Variants in DPP6 observed in about 807,000 individuals in gnomAD.
DPP6 encodes the protein A-type potassium channel modulatory protein DPP6.
A neutral mutation model predicts 122.6 loss-of-function variants in DPP6; 69 were observed. The ratio of observed to expected loss-of-function variants is 0.56; its 90% CI spans 0.46 to 0.69. The LOEUF (loss-of-function observed/expected upper bound fraction) is 0.69, where lower values mean the gene tolerates loss of function less well. Among genes scored for constraint, DPP6 ranks in the 30% least tolerant of loss-of-function variants. The pLI, the probability that DPP6 is intolerant of heterozygous loss-of-function variation, is 0.00. For missense variants in DPP6, 928 were observed against 1,116.9 expected (o/e 0.83, Z 2.41); for synonymous variants, 418 against 433.1 (o/e 0.97, Z 0.43).
chr7:154,697,099 G>A (rs1189088077), intron 7 of DPP6, among the ~76,000 whole-genome samples: 3 of 152,204 alleles, frequency 2.0e-5, no homozygotes, highest in African/African-American at 7.2e-5. Context: ...GAACATAGAT[G>A]GAGAACCAAG....
intron 1 of DPP6, among the ~76,000 whole-genome samples, chr7:153,995,901 C>G (rs1340217461): frequency 6.6e-6 from 1 of 152,178 alleles, no homozygotes; most frequent in Non-Finnish European, 1.5e-5. Context: ...ATTGCTGCTT[C>G]CAAACATCTA....
intron 1 of DPP6, among the ~76,000 whole-genome samples, chr7:153,920,202 T>C (rs1488120836): frequency 1.5e-5 from 1 of 68,776 alleles, no homozygotes; most frequent in East Asian, 1.1e-3. Flanking sequence ...TCCCTGAAAG[T>C]CGAGGGGGTG....
intron 1 of DPP6, among the ~76,000 whole-genome samples, chr7:154,192,247 TACA>T (rs1190176176): frequency 2.6e-5 from 4 of 152,264 alleles, no homozygotes; most frequent in African/African-American, 7.2e-5. Flanking sequence ...TTCCCAATTG[TACA>T]ACGTCTTGAT....
chr7:154,063,597 G>A (rs1345004867), intron 1 of DPP6, among the ~76,000 whole-genome samples: 4 of 70,328 alleles, frequency 5.7e-5, no homozygotes, highest in African/African-American at 1.9e-4. Context: ...TACCCCCATC[G>A]CAGTGAGGGA....
intron 1 of DPP6, among the ~76,000 whole-genome samples, chr7:154,105,868 T>C (rs1270920848): frequency 6.6e-6 from 1 of 151,636 alleles, no homozygotes; most frequent in Non-Finnish European, 1.5e-5. Flanking sequence ...TGGGTATGTC[T>C]TTATTAGCAG....
chr7:154,190,055 T>C (rs1184555206), intron 1 of DPP6, among the ~76,000 whole-genome samples: 1 of 152,208 alleles, frequency 6.6e-6, no homozygotes, highest in Non-Finnish European at 1.5e-5. Context: ...TGGAAGTTAA[T>C]AAATATTTTA....
intron 1 of DPP6, among the ~76,000 whole-genome samples, chr7:154,078,944 T>TC (rs1231675955): frequency 1.1e-5 from 1 of 93,008 alleles, no homozygotes; most frequent in Non-Finnish European, 2.1e-5. Context: ...TACATTCTTT[T>TC]CCAAAAAAAA....
chr7:154,588,367 T>C (rs1039108252), intron 5 of DPP6: 4 of 443,010 alleles, frequency 9.0e-6, no homozygotes, highest in Non-Finnish European at 1.6e-5. Flanking sequence ...CAATGTGATG[T>C]TGGCCGACTG....
chr7:154,141,734 G>T (rs1795857354), intron 1 of DPP6, among the ~76,000 whole-genome samples: 1 of 152,196 alleles, frequency 6.6e-6, no homozygotes, highest in Admixed American at 6.5e-5. Flanking sequence ...ATGCATTTCT[G>T]TTGGAGCTCA....
At chr7:154,384,613 A>G (rs114995237) in intron 1 of DPP6, among the ~76,000 whole-genome samples, 1,910 of 152,338 alleles carry the variant, frequency 0.013, 39 homozygotes, top group African/African-American at 0.042. Flanking sequence ...AGTGAAAAAC[A>G]CAGTGAGAAC....
At chr7:154,245,525 A>G (rs1801921022) in intron 1 of DPP6, among the ~76,000 whole-genome samples, 1 of 150,790 alleles carries the variant, frequency 6.6e-6, no homozygotes. Flanking sequence ...AATCCCAGCT[A>G]CTTGGGAGGC....
rs957606590 is a variant in DPP6, at chr7:154,735,972, C to T, written c.883+8085C>T. The stretch of plus-strand genomic sequence containing the variant: ...CCAGACCCTCCCCTGCCATCGTCTG[C>T]TCTCAACGTAGCAATCATGGCATCA... On this transcript the variant is annotated intron_variant, in intron 8 of 25. Transcript: ENST00000377770. Among the ~76,000 whole-genome samples, 8 of 152,238 alleles carry T rather than the reference C, an allele frequency of 5.3e-5. No individual in the cohort carries two copies. The East Asian group carries it at 1.3e-3, about 26-fold the overall frequency.
intron 21 of DPP6, 97 bp from the exon 22 acceptor site, chr7:154,885,536 G>A: frequency 1.4e-6 from 2 of 1,462,488 alleles, no homozygotes; most frequent in Non-Finnish European, 1.8e-6. Flanking sequence ...GAACCTGCAT[G>A]GAACTGGCTG....
the DPP6 span, among the ~76,000 whole-genome samples, chr7:153,862,167 GT>G: frequency 6.6e-6 from 1 of 152,152 alleles, no homozygotes; most frequent in African/African-American, 2.4e-5. Context: ...AGGCACAAAA[GT>G]TATTTTAAAA....
intron 1 of DPP6, among the ~76,000 whole-genome samples, chr7:154,060,304 T>C (rs1283973303): frequency 7.1e-5 from 7 of 98,160 alleles, no homozygotes; most frequent in Non-Finnish European, 1.1e-4. Context: ...CTTCCCCCCC[T>C]GGCTCTTAGG....
chr7:154,271,624 C>T (rs1438517861), intron 1 of DPP6, among the ~76,000 whole-genome samples: 3 of 152,076 alleles, frequency 2.0e-5, no homozygotes, highest in Non-Finnish European at 4.4e-5. Context: ...TCAGTGGGAC[C>T]AGCAAGCACC....
At chr7:154,777,514 T>C (rs1796656622) in intron 10 of DPP6, among the ~76,000 whole-genome samples, 1 of 152,192 alleles carries the variant, frequency 6.6e-6, no homozygotes, top group African/African-American at 2.4e-5. Context: ...CAAATCGCTG[T>C]GCTGTGGTTT....
chr7:153,876,490 G>A, the DPP6 span, among the ~76,000 whole-genome samples: 19 of 151,784 alleles, frequency 1.3e-4, no homozygotes, highest in Non-Finnish European at 2.4e-4. Context: ...GTGAGATTAA[G>A]CTAAAAGTTA....
the DPP6 span, among the ~76,000 whole-genome samples, chr7:153,759,476 C>T: frequency 6.6e-6 from 1 of 151,834 alleles, no homozygotes; most frequent in Non-Finnish European, 1.5e-5. Context: ...CACGCACCAC[C>T]ACACCCAGCT....
Sources: allele counts gnomAD v4.1 joint callset (sites outside exome capture counted in the v4.1 genomes callset), GRCh38; gene constraint gnomAD v4.1.1; transcripts MANE v1.5; gene names NCBI Gene and HGNC (gene_info 2026-07-23, HGNC 2026-07-21).